SYT9: variants seen among roughly 807,000 people sequenced by gnomAD.
SYT9 encodes the protein synaptotagmin-9.
In SYT9, 22 loss-of-function variants were observed where a neutral mutation model predicts 48.4. The observed-to-expected ratio is 0.45, with a 90% CI of 0.32 to 0.65. SYT9 has a LOEUF of 0.65. Ranked by LOEUF, SYT9 falls within the 30% of genes least tolerant of loss-of-function variation. SYT9 has a pLI of 0.03. For missense variants in SYT9, 577 were observed against 622.0 expected, an observed-to-expected ratio of 0.93 and a Z score of 0.77; for synonymous variants, 265 against 245.0, an observed-to-expected ratio of 1.08 and a Z score of -0.76.
chr11:7,313,958 T>G lies in SYT9; in HGVS notation c.1044+17T>G. 1 of 1,597,150 alleles carries G rather than the reference T, an allele frequency of 6.3e-7. No homozygotes were observed. Among genetic ancestry groups the G allele is most frequent in the South Asian group, 1.1e-5 (1 of 88,748 alleles). On this transcript the variant is annotated intron_variant, in intron 3 of 6. Transcript: ENST00000318881. ...GTCACCAATGTGAGTCCAGCATTTC[T>G]TCATTTTTGTGGTGGGGGGCATCTT...
At chr11:7,462,488 A>G (rs114674702) in intron 6 of SYT9, among the ~76,000 whole-genome samples, 392 of 152,350 alleles carry the variant, frequency 2.6e-3, no homozygotes, top group African/African-American at 8.9e-3. Context: ...GAAGTAAAAA[A>G]AAAATAGAAT....
At chr11:7,360,934 G>GT (rs1042575329) in intron 3 of SYT9, among the ~76,000 whole-genome samples, 3 of 151,862 alleles carry the variant, frequency 2.0e-5, no homozygotes, top group Non-Finnish European at 2.9e-5. Context: ...TTGGTAACTG[G>GT]TTTTTTTCTA....
At chr11:7,322,795 T>G (rs573094836) in intron 3 of SYT9, among the ~76,000 whole-genome samples, 1 of 152,260 alleles carries the variant, frequency 6.6e-6, no homozygotes, top group Admixed American at 6.5e-5. Context: ...GCTTCCTATG[T>G]GCCGCTCCTC....
At position 7,265,874 on chromosome 11, in the gene SYT9, G is replaced by A. The variant is rs187462361; in HGVS notation, c.145+13543G>A. 2.9e-3 allele frequency among the ~76,000 whole-genome samples: 434 copies of A among 152,010 alleles called. 3 individuals carry two copies. The highest frequency in any genetic ancestry group is 2.4e-3 in the Non-Finnish European group (165 of 67,960). The stretch of plus-strand genomic sequence containing the variant: ...TGTTCTTATTTTAGGATAACCATAC[G>A]GTACATAAACCCTGTGAAAACTCTA... On this transcript the variant is annotated intron_variant, in intron 1 of 6. Transcript: ENST00000318881.
At chr11:7,339,050 G>A (rs1849673519) in intron 3 of SYT9, among the ~76,000 whole-genome samples, 1 of 152,148 alleles carries the variant, frequency 6.6e-6, no homozygotes, top group South Asian at 2.1e-4. Flanking sequence ...TATATATTTA[G>A]AATAATTAGG....
intron 1 of SYT9, among the ~76,000 whole-genome samples, chr11:7,293,650 A>G (rs993065508): frequency 2.0e-5 from 3 of 152,228 alleles, no homozygotes; most frequent in Middle Eastern, 3.2e-3. Context: ...ACCACATAAT[A>G]TGAGAGCTAT....
At position 7,313,484 on chromosome 11, in the gene SYT9, G is replaced by T; in HGVS notation, c.587G>T (p.Gly196Val). The T allele has an allele frequency of 1.9e-6, 3 of 1,614,118 alleles. No individual in the cohort carries two copies. Among genetic ancestry groups the T allele is most frequent in the Non-Finnish European group, 2.5e-6 (3 of 1,179,996 alleles). The stretch of plus-strand genomic sequence containing the variant: ...AAACAGGAACAGTTGACTGGAATTG[G>T]TAGAATTAAACCAGAGTTATATAAG... The part of the protein sequence containing the change: ...LQKQEQLTGI[G>V]RIKPELYKQR... The change falls in exon 3 of 7, where the codon GGT (glycine) becomes GTT (valine). Residue 196 changes from glycine to valine, a missense_variant. By Grantham distance (109) the Gly-to-Val change is moderately radical. Coordinates refer to ENST00000318881, the MANE Select transcript of SYT9 (RefSeq NM_175733.4).
In SYT9 at chr11:7,420,550, A is replaced by G; in HGVS notation, c.1382A>G (p.Glu461Gly). Reference sequence around the variant, plus strand: ...ATCGGCGTGTGTCAAGTAGGCAACGAGGCTGAGAGGCTGGGCAGAGACCAC... The same window carrying G: ...ATCGGCGTGTGTCAAGTAGGCAACGGGGCTGAGAGGCTGGGCAGAGACCAC... ...EIIGVCQVGNEAERLGRDHWS... is the reference protein window; with the variant it reads ...EIIGVCQVGNGAERLGRDHWS... Residue 461 changes from glutamate to glycine, a missense_variant, in exon 6 of 7, where the codon GAG becomes GGG. Transcript: ENST00000318881. 1 of 1,614,204 alleles carries G rather than the reference A, an allele frequency of 6.2e-7. No homozygotes were observed. Among genetic ancestry groups the G allele is most frequent in the Non-Finnish European group, 8.5e-7 (1 of 1,180,026 alleles).
intron 3 of SYT9, among the ~76,000 whole-genome samples, chr11:7,406,632 T>G (rs1847021602): frequency 6.6e-6 from 1 of 151,480 alleles, no homozygotes. Context: ...TCTTTGCTGT[T>G]AAGAATGCCC....
intron 6 of SYT9, chr11:7,440,922 C>T (rs1178462481): frequency 6.6e-6 from 1 of 152,146 alleles, no homozygotes; most frequent in African/African-American, 2.4e-5. Flanking sequence ...ACCCACAAGA[C>T]CAGTTGCTAT....
At chr11:7,369,699 G>A (rs1013315102) in intron 3 of SYT9, among the ~76,000 whole-genome samples, 4 of 149,808 alleles carry the variant, frequency 2.7e-5, no homozygotes, top group African/African-American at 9.9e-5. Context: ...CATATGGCTA[G>A]CCAGTTCTCC....
At chr11:7,259,843 A>G (rs775875467) in intron 1 of SYT9, among the ~76,000 whole-genome samples, 3 of 152,176 alleles carry the variant, frequency 2.0e-5, no homozygotes, top group Admixed American at 6.6e-5. Context: ...TTGTCTGACT[A>G]TAATCAACCC....
At chr11:7,351,275 G>A (rs1006342070) in intron 3 of SYT9, among the ~76,000 whole-genome samples, 8 of 152,176 alleles carry the variant, frequency 5.3e-5, no homozygotes, top group Non-Finnish European at 8.8e-5. Flanking sequence ...TGGGGCAGTG[G>A]TTATATTTTT....
intron 3 of SYT9, among the ~76,000 whole-genome samples, chr11:7,350,033 G>A (rs543776626): frequency 6.6e-6 from 1 of 152,086 alleles, no homozygotes; most frequent in Non-Finnish European, 1.5e-5. Flanking sequence ...CTCATGCCAG[G>A]GGGGGACCCA....
chr11:7,412,266 T>C (rs923238233), intron 3 of SYT9, among the ~76,000 whole-genome samples: 1 of 152,244 alleles, frequency 6.6e-6, no homozygotes, highest in African/African-American at 2.4e-5. Context: ...GTTTCCTGTG[T>C]CCTTATGTTA....
chr11:7,319,249 T>C (rs1382780450), intron 3 of SYT9, among the ~76,000 whole-genome samples: 1 of 149,520 alleles, frequency 6.7e-6, no homozygotes. Flanking sequence ...CAGGGCTATT[T>C]CTTGAGGTAT....
intron 3 of SYT9, among the ~76,000 whole-genome samples, chr11:7,350,326 T>C (rs138672755): frequency 1.4e-3 from 209 of 152,276 alleles, no homozygotes; most frequent in African/African-American, 4.8e-3. Context: ...AAATGCAGGC[T>C]TCAGGCTTGA....
At chr11:7,312,691 T>G (rs529665114) in intron 2 of SYT9, among the ~76,000 whole-genome samples, 1 of 152,222 alleles carries the variant, frequency 6.6e-6, no homozygotes, top group African/African-American at 2.4e-5. Flanking sequence ...TTATAGTAGC[T>G]CATCTTTAAT....
chr11:7,376,680 T>C (rs1850461190), intron 3 of SYT9, among the ~76,000 whole-genome samples: 2 of 152,146 alleles, frequency 1.3e-5, no homozygotes, highest in Non-Finnish European at 2.9e-5. Flanking sequence ...GTCTCTAATA[T>C]AGCATTGGGT....
Sources: gnomAD v4.1 joint callset for allele counts (sites outside exome capture counted in the v4.1 genomes callset) on GRCh38, gnomAD v4.1.1 for gene constraint, MANE v1.5 for transcripts, NCBI Gene and HGNC (gene_info 2026-07-23, HGNC 2026-07-21) for gene names.